The following SLCO3A1 variants were observed in gnomAD, a reference collection of about 807,000 sequenced individuals.
SLCO3A1 encodes PGE1 transporter.
Under a neutral mutation model 63.1 loss-of-function variants are expected in SLCO3A1, and 27 were observed. The observed-to-expected ratio is 0.43, with a 90% CI of 0.32 to 0.59. SLCO3A1 has a LOEUF of 0.59. Among genes scored for constraint, SLCO3A1 ranks in the 20% least tolerant of loss-of-function variants. The pLI, the probability that SLCO3A1 is intolerant of heterozygous loss-of-function variation, is 0.09. For synonymous variants in SLCO3A1, 473 were observed against 409.9 expected (o/e 1.15, Z -1.86); for missense variants, 773 against 945.8 (o/e 0.82, Z 2.40).
chr15:92,090,865 G>A (rs899332930), intron 2 of SLCO3A1, among the ~76,000 whole-genome samples: 4 of 152,168 alleles, frequency 2.6e-5, no homozygotes, highest in African/African-American at 9.7e-5. Context: ...CAAATAGGAG[G>A]TCATTCAATC....
intron 2 of SLCO3A1, among the ~76,000 whole-genome samples, chr15:91,917,563 A>G (rs530122409): frequency 1.3e-5 from 2 of 152,138 alleles, no homozygotes; most frequent in Non-Finnish European, 2.9e-5. Context: ...GGCTGTGAGC[A>G]GGCTCTGGGC....
chr15:91,874,075 T>C (rs950416956), intron 1 of SLCO3A1, among the ~76,000 whole-genome samples: 12 of 152,184 alleles, frequency 7.9e-5, no homozygotes, highest in Non-Finnish European at 1.3e-4. Flanking sequence ...CTAAATGCTA[T>C]ATATGATATG....
intron 2 of SLCO3A1, among the ~76,000 whole-genome samples, chr15:91,919,822 C>T (rs1486138190): frequency 6.6e-6 from 1 of 151,448 alleles, no homozygotes; most frequent in Non-Finnish European, 1.5e-5. Flanking sequence ...AACTTTATTC[C>T]TAGTTAAAAA....
In SLCO3A1 at chr15:91,900,608, T is replaced by C. The variant is rs1898130296; in HGVS notation, c.181-15385T>C. Among the ~76,000 whole-genome samples, 1 of 152,196 alleles carries C rather than the reference T, an allele frequency of 6.6e-6. No homozygotes were observed. The highest frequency in any genetic ancestry group is 1.9e-4 in the East Asian group (1 of 5,190). ...CCTCCCAAAGTGCTGGGATTACAGG[T>C]GTGAGCCACCGTGCCTGGCCTGTTT... On this transcript the variant is annotated intron_variant, in intron 1 of 9. Coordinates refer to ENST00000318445, the MANE Select transcript of SLCO3A1 (RefSeq NM_013272.4). The surrounding 1 kb of genome is among the most constrained non-coding windows in gnomAD (Gnocchi z 4.3).
At chr15:91,959,765 C>T (rs529609812) in intron 2 of SLCO3A1, among the ~76,000 whole-genome samples, 9 of 149,806 alleles carry the variant, frequency 6.0e-5, no homozygotes, top group Admixed American at 2.0e-4. Context: ...AAAATATACA[C>T]AGTTCAGTTG....
At chr15:91,939,633 G>T (rs1284799692) in intron 2 of SLCO3A1, among the ~76,000 whole-genome samples, 1 of 152,140 alleles carries the variant, frequency 6.6e-6, no homozygotes, top group Non-Finnish European at 1.5e-5. Context: ...CTGCATGAAG[G>T]TCAGCAGGCA....
At chr15:92,104,573 A>T in intron 4 of SLCO3A1, 31 bp downstream of exon 4, 1 of 1,601,282 alleles carries the variant, frequency 6.2e-7, no homozygotes, top group East Asian at 2.2e-5. Context: ...CTCTGCTCAG[A>T]ACAGTAGGGG....
At chr15:92,087,037 C>T (rs1311778809) in intron 2 of SLCO3A1, among the ~76,000 whole-genome samples, 1 of 150,702 alleles carries the variant, frequency 6.6e-6, no homozygotes, top group Non-Finnish European at 1.5e-5. Flanking sequence ...AGGTACTTTA[C>T]TCTGTCATTT....
rs1264652872 is a variant in SLCO3A1 at position 91,912,868 on chromosome 15, G to A, written c.181-3125G>A. On this transcript the variant is annotated intron_variant, in intron 1 of 9. Transcript: ENST00000318445. The surrounding 1 kb of genome is among the most constrained non-coding windows in gnomAD (Gnocchi z 5.0). ...TGGACCTCTCAAGACTCACACAAAG[G>A]CCTGGGCGAGGCTCCCCAAAGCCCC... Among the ~76,000 whole-genome samples, 1 of 152,026 alleles carries A rather than the reference G, an allele frequency of 6.6e-6. No homozygotes were observed. The highest frequency in any genetic ancestry group is 2.4e-5 in the African/African-American group (1 of 41,390).
intron 2 of SLCO3A1, among the ~76,000 whole-genome samples, chr15:92,093,688 T>TCCC (rs1596094521): frequency 6.6e-6 from 1 of 152,108 alleles, no homozygotes; most frequent in Non-Finnish European, 1.5e-5. Flanking sequence ...CAATGCTGAA[T>TCCC]CCCCAACCCT....
chr15:92,010,219 T>C (rs918405278), intron 2 of SLCO3A1, among the ~76,000 whole-genome samples: 1 of 152,246 alleles, frequency 6.6e-6, no homozygotes, highest in Non-Finnish European at 1.5e-5. Flanking sequence ...AGGTGATCTA[T>C]GTAACCTATT....
At chr15:92,137,063 G>A (rs1402780424) in intron 7 of SLCO3A1, among the ~76,000 whole-genome samples, 4 of 146,436 alleles carry the variant, frequency 2.7e-5, no homozygotes, top group African/African-American at 5.2e-5. Flanking sequence ...ATGCTGGTGC[G>A]CTGCACCCAC....
intron 1 of SLCO3A1, among the ~76,000 whole-genome samples, chr15:91,914,012 C>G (rs1373750604): frequency 6.6e-6 from 1 of 152,208 alleles, no homozygotes; most frequent in Non-Finnish European, 1.5e-5. Context: ...ACTATTAAAC[C>G]TTTGCTGTTC....
intron 2 of SLCO3A1, among the ~76,000 whole-genome samples, chr15:92,052,016 G>T (rs1336788537): frequency 1.3e-5 from 2 of 152,120 alleles, no homozygotes; most frequent in African/African-American, 2.4e-5. Context: ...AGTAAAGCAG[G>T]CTCCGGTCTC....
At chr15:92,172,222 T>C (rs2048525618) in exon 11 of SLCO3A1, 1 of 195,554 alleles carries the variant, frequency 5.1e-6, no homozygotes, top group South Asian at 1.6e-4. Flanking sequence ...GACTGAGGGC[T>C]CCAACAGCTT....
At chr15:92,126,390 T>G in intron 6 of SLCO3A1, 131 bp downstream of exon 6, 1 of 698,244 alleles carries the variant, frequency 1.4e-6, no homozygotes, top group Non-Finnish European at 2.5e-6. Flanking sequence ...CCTCTGCATC[T>G]TACTGTCCAC....
chr15:91,983,694 T>G (rs1265873007), intron 2 of SLCO3A1, among the ~76,000 whole-genome samples: 3 of 152,112 alleles, frequency 2.0e-5, no homozygotes, highest in African/African-American at 7.2e-5. Context: ...AAATCAGTGT[T>G]TAAAATGTGT....
intron 2 of SLCO3A1, among the ~76,000 whole-genome samples, chr15:92,054,993 G>A (rs976580265): frequency 1.6e-4 from 24 of 152,110 alleles, no homozygotes; most frequent in African/African-American, 5.6e-4. Flanking sequence ...GGTCAAATGG[G>A]AATTCTGGTT....
At chr15:92,054,826 C>T (rs2047003042) in intron 2 of SLCO3A1, among the ~76,000 whole-genome samples, 2 of 152,086 alleles carry the variant, frequency 1.3e-5, no homozygotes, top group Admixed American at 1.3e-4. Context: ...GTATATGTAC[C>T]ACATTTTCTT....
Sources: allele counts gnomAD v4.1 joint callset (sites outside exome capture counted in the v4.1 genomes callset), GRCh38; gene constraint gnomAD v4.1.1; non-coding constraint Gnocchi (gnomAD v3.1); transcripts MANE v1.5; gene names NCBI Gene and HGNC (gene_info 2026-07-23, HGNC 2026-07-21).